Variants in PCDH15 observed in about 807,000 individuals in gnomAD.
PCDH15 encodes the protein protocadherin-15.
In PCDH15, 129 loss-of-function variants were observed where a neutral mutation model predicts 178.5. That is an observed-to-expected ratio of 0.72 (90% CI 0.63 to 0.84). The LOEUF (loss-of-function observed/expected upper bound fraction) is 0.84, where lower values mean the gene tolerates loss of function less well. Ranked by LOEUF, PCDH15 falls within the 40% of genes least tolerant of loss-of-function variation. PCDH15 has a pLI of 0.00. For synonymous variants in PCDH15, 800 were observed against 732.0 expected, an observed-to-expected ratio of 1.09 and a Z score of -1.50; for missense variants, 2,230 against 2,099.9, an observed-to-expected ratio of 1.06 and a Z score of -1.21.
intron 25 of PCDH15, among the ~76,000 whole-genome samples, chr10:53,929,682 GCTTGTACC>G (rs1381164721): frequency 6.6e-6 from 1 of 152,130 alleles, no homozygotes; most frequent in Non-Finnish European, 1.5e-5. Flanking sequence ...TGTATTACAA[GCTTGTACC>G]CTACAGCTAA....
chr10:54,804,317 G>T (rs1238895842), upstream of PCDH15, among the ~76,000 whole-genome samples: 2 of 152,172 alleles, frequency 1.3e-5, no homozygotes, highest in Non-Finnish European at 2.9e-5. Flanking sequence ...GGGATTACAG[G>T]CGTGAGCCAC....
intron 1 of PCDH15, among the ~76,000 whole-genome samples, chr10:55,300,513 A>G (rs1843245893): frequency 6.6e-6 from 1 of 152,218 alleles, no homozygotes; most frequent in African/African-American, 2.4e-5. Flanking sequence ...GATACTTTAT[A>G]GAAGCATAAG....
chr10:53,883,996 G>A (rs777052188), intron 26 of PCDH15, among the ~76,000 whole-genome samples: 3 of 151,670 alleles, frequency 2.0e-5, no homozygotes, highest in Non-Finnish European at 4.4e-5. Context: ...GATTACAGGC[G>A]TGAGCCACTG....
At chr10:54,312,034 G>A (rs1456898396) in intron 8 of PCDH15, among the ~76,000 whole-genome samples, 1 of 152,052 alleles carries the variant, frequency 6.6e-6, no homozygotes, top group Admixed American at 6.6e-5. Flanking sequence ...CAGGTGGCAA[G>A]TCTTCCAAAA....
chr10:55,304,988 GA>G (rs1423458491), intron 1 of PCDH15, among the ~76,000 whole-genome samples: 1 of 152,078 alleles, frequency 6.6e-6, no homozygotes, highest in Non-Finnish European at 1.5e-5. Flanking sequence ...TTGTTTTGAA[GA>G]ATCATAAAAC....
At chr10:55,528,974 C>G (rs567781219) in intron 2 of PCDH15, among the ~76,000 whole-genome samples, 2 of 152,080 alleles carry the variant, frequency 1.3e-5, no homozygotes, top group African/African-American at 4.8e-5. Context: ...TCTCTGATGG[C>G]TAGTGATGAT....
intron 2 of PCDH15, among the ~76,000 whole-genome samples, chr10:54,577,053 G>C (rs1473377551): frequency 1.3e-5 from 2 of 151,064 alleles, no homozygotes; most frequent in Admixed American, 6.6e-5. Flanking sequence ...GAAGAGCACA[G>C]AATGTATACC....
intron 2 of PCDH15, among the ~76,000 whole-genome samples, chr10:55,381,090 C>A (rs1837523406): frequency 6.6e-6 from 1 of 152,098 alleles, no homozygotes. Context: ...AAACAATTTT[C>A]CCCTGATGTG....
chr10:55,338,441 A>T (rs1314134841), intron 2 of PCDH15, among the ~76,000 whole-genome samples: 2 of 152,210 alleles, frequency 1.3e-5, no homozygotes, highest in Non-Finnish European at 2.9e-5. Context: ...GGTAGTACAC[A>T]TACACAAAAG....
chr10:54,448,975 T>C (rs1318749168), intron 3 of PCDH15, among the ~76,000 whole-genome samples: 1 of 151,796 alleles, frequency 6.6e-6, no homozygotes, highest in Non-Finnish European at 1.5e-5. Context: ...CTATTGGTAC[T>C]GTTAACTGCC....
chr10:54,317,430 T>G lies in PCDH15; in HGVS notation c.717A>C (p.Gln239His). ...TGGTGGTTCGCCTCTCATTCAGATT[T>G]TGGGCACGGTCCTGTTAGGGAGAAA... ...FVIIQANDRA[Q>H]NLNERRTTTT... The change falls in exon 8 of 38, where the codon CAA (glutamine) becomes CAC (histidine). Residue 239 changes from glutamine to histidine, a missense_variant. By Grantham distance (24) the Gln-to-His change is conservative. Coordinates refer to ENST00000644397, the MANE Select transcript of PCDH15 (RefSeq NM_001384140.1). 6.2e-7 allele frequency: 1 copy of G among 1,613,792 alleles called. No homozygotes were observed. Among genetic ancestry groups the G allele is most frequent in the South Asian group, 1.1e-5 (1 of 91,074 alleles).
At chr10:54,272,759 C>T (rs2058122607) in intron 8 of PCDH15, among the ~76,000 whole-genome samples, 1 of 152,072 alleles carries the variant, frequency 6.6e-6, no homozygotes, top group African/African-American at 2.4e-5. Flanking sequence ...GGTATCTCTA[C>T]ATTCTAGGAA....
At chr10:55,363,921 G>C (rs1348023502) in intron 2 of PCDH15, among the ~76,000 whole-genome samples, 1 of 152,116 alleles carries the variant, frequency 6.6e-6, no homozygotes, top group Non-Finnish European at 1.5e-5. Flanking sequence ...ATAAGCGTGA[G>C]CCACTGTGCC....
At chr10:55,102,662 A>C (rs1315890605) in intron 2 of PCDH15, among the ~76,000 whole-genome samples, 2 of 152,112 alleles carry the variant, frequency 1.3e-5, no homozygotes, top group Non-Finnish European at 1.5e-5. Flanking sequence ...ATTACAGTTG[A>C]CACTTGAGCA....
intron 2 of PCDH15, among the ~76,000 whole-genome samples, chr10:55,119,101 A>G (rs1837700229): frequency 6.6e-6 from 1 of 152,148 alleles, no homozygotes. Flanking sequence ...CTCTGTAGGT[A>G]GAAATTGCAT....
chr10:54,595,564 C>T (rs1937398), intron 2 of PCDH15, among the ~76,000 whole-genome samples: 21,578 of 152,162 alleles, frequency 0.14, 1,786 homozygotes, highest in Non-Finnish European at 0.18. Context: ...CAAATGAGCA[C>T]ACTAGCCCTC....
intron 10 of PCDH15, among the ~76,000 whole-genome samples, chr10:54,202,873 G>C (rs1393755106): frequency 6.6e-6 from 1 of 150,876 alleles, no homozygotes; most frequent in Non-Finnish European, 1.5e-5. Flanking sequence ...TCGTTCATAT[G>C]TTGATGTTAG....
intron 3 of PCDH15, among the ~76,000 whole-genome samples, chr10:54,854,363 A>T (rs56855093): frequency 0.029 from 4,446 of 152,214 alleles, 222 homozygotes; most frequent in African/African-American, 0.1. Flanking sequence ...TTTCAGCCCT[A>T]TTTGTGTTAC....
At chr10:54,722,716 T>C (rs1188176133) in intron 1 of PCDH15, among the ~76,000 whole-genome samples, 3 of 151,712 alleles carry the variant, frequency 2.0e-5, no homozygotes, top group African/African-American at 4.8e-5. Context: ...AAAATCTGTG[T>C]ACAAAAATCA....
Sources: allele counts gnomAD v4.1 joint callset (sites outside exome capture counted in the v4.1 genomes callset), GRCh38; gene constraint gnomAD v4.1.1; transcripts MANE v1.5; gene names NCBI Gene and HGNC (gene_info 2026-07-23, HGNC 2026-07-21).